Variants in SPATS2 observed in about 807,000 individuals in gnomAD.
SPATS2 encodes spermatogenesis-associated serine-rich protein 2.
In SPATS2, 38 loss-of-function variants were observed where a neutral mutation model predicts 63.7. The ratio of observed to expected loss-of-function variants is 0.60; its 90% CI spans 0.46 to 0.78. The LOEUF (loss-of-function observed/expected upper bound fraction) is 0.78, where lower values mean the gene tolerates loss of function less well. Among genes scored for constraint, SPATS2 ranks in the 30% least tolerant of loss-of-function variants. The pLI is 0.00. For missense variants in SPATS2, 588 were observed against 666.2 expected, an observed-to-expected ratio of 0.88 and a Z score of 1.29; for synonymous variants, 207 against 232.9, an observed-to-expected ratio of 0.89 and a Z score of 1.01.
At chr12:49,490,804 T>C in intron 6 of SPATS2, 73 bp downstream of exon 6, 1 of 1,421,124 alleles carries the variant, frequency 7.0e-7, no homozygotes, top group Non-Finnish European at 9.7e-7. Context: ...GCAAAAATAT[T>C]TGAAAGAAAA....
chr12:49,413,772 C>G (rs1373235251), intron 2 of SPATS2, among the ~76,000 whole-genome samples: 1 of 147,524 alleles, frequency 6.8e-6, no homozygotes, highest in Non-Finnish European at 1.5e-5. Context: ...ACTCTGAAGA[C>G]CTGTGAACTA....
intron 11 of SPATS2, 37 bp downstream of exon 11, chr12:49,519,219 C>A (rs748807779): frequency 1.0e-5 from 16 of 1,531,120 alleles, no homozygotes; most frequent in Non-Finnish European, 1.2e-5. Flanking sequence ...TTCTTCTTAT[C>A]CTCAGGGGCT....
chr12:49,512,097 T>C (rs1292047836), intron 9 of SPATS2, among the ~76,000 whole-genome samples: 2 of 152,228 alleles, frequency 1.3e-5, no homozygotes, highest in East Asian at 1.9e-4. Context: ...TTTTTTGATG[T>C]GCTTTTAATA....
chr12:49,512,755 G>A (rs1946773774), intron 9 of SPATS2: 3 of 614,328 alleles, frequency 4.9e-6, no homozygotes, highest in Non-Finnish European at 7.4e-6. Context: ...GTCATCTGAT[G>A]GACACAGCGT....
At chr12:49,399,300 C>CT (rs1404771690) in intron 2 of SPATS2, among the ~76,000 whole-genome samples, 2 of 152,100 alleles carry the variant, frequency 1.3e-5, no homozygotes, top group Non-Finnish European at 2.9e-5. Flanking sequence ...GCACTTTTAG[C>CT]TTTTTTAGTT....
intron 2 of SPATS2, among the ~76,000 whole-genome samples, chr12:49,448,284 C>A (rs969081180): frequency 3.3e-5 from 5 of 151,396 alleles, no homozygotes; most frequent in Non-Finnish European, 7.4e-5. Context: ...ACTACAGGCA[C>A]CCGCCACCAT....
intron 2 of SPATS2, among the ~76,000 whole-genome samples, chr12:49,421,427 A>C (rs12321598): frequency 6.7e-6 from 1 of 149,894 alleles, no homozygotes; most frequent in African/African-American, 2.5e-5. Flanking sequence ...AAAAAAAAAA[A>C]AAAAAAAAAA....
chr12:49,502,386 C>G (rs1946580338), intron 9 of SPATS2, among the ~76,000 whole-genome samples: 1 of 152,158 alleles, frequency 6.6e-6, no homozygotes, highest in Admixed American at 6.5e-5. Context: ...CTACCCATGC[C>G]TTGTCCTGAA....
chr12:49,407,910 C>T (rs191344082), intron 2 of SPATS2, among the ~76,000 whole-genome samples: 5 of 152,258 alleles, frequency 3.3e-5, no homozygotes, highest in Admixed American at 3.3e-4. Context: ...AGTATTGTGA[C>T]AGACCGTATG....
At chr12:49,392,040 T>C (rs113909498) in intron 2 of SPATS2, among the ~76,000 whole-genome samples, 2 of 152,348 alleles carry the variant, frequency 1.3e-5, no homozygotes, top group African/African-American at 4.8e-5. Context: ...ATACTTTTTA[T>C]CCCTGGTAAG....
At chr12:49,424,796 C>G (rs1350590967) in intron 2 of SPATS2, among the ~76,000 whole-genome samples, 2 of 152,176 alleles carry the variant, frequency 1.3e-5, no homozygotes, top group African/African-American at 4.8e-5. Flanking sequence ...TCTCCTGCCT[C>G]AGCCTCCCAA....
intron 8 of SPATS2, among the ~76,000 whole-genome samples, chr12:49,498,879 C>G (rs539734390): frequency 6.6e-6 from 1 of 151,584 alleles, no homozygotes; most frequent in African/African-American, 2.4e-5. Flanking sequence ...CTGAAACCTC[C>G]GCCTCCCAGT....
intron 7 of SPATS2, 145 bp downstream of exon 7, chr12:49,495,147 CT>C: frequency 1.2e-5 from 10 of 849,678 alleles, no homozygotes; most frequent in Non-Finnish European, 1.6e-5. Flanking sequence ...GTTTTTGTTA[CT>C]TTTTGTCTGA....
chr12:49,484,390 TTTTA>T (rs1946254408), intron 3 of SPATS2, among the ~76,000 whole-genome samples, 196 bp from the exon 4 acceptor site: 1 of 152,218 alleles, frequency 6.6e-6, no homozygotes, highest in Admixed American at 6.5e-5. Flanking sequence ...CTGTGACAGT[TTTTA>T]TTAAAATTAA....
rs1231228816 is a variant in SPATS2 at position 49,460,872 on chromosome 12, C to T, written c.-141C>T. ...GATTAACAGCTAGTGAGCAGAATTT[C>T]GAACAGCAGGATTTCGTATTTTTTG... On this transcript the variant is annotated 5_prime_UTR_variant, in exon 3 of 14. Coordinates refer to ENST00000552918, the MANE Select transcript of SPATS2 (RefSeq NM_023071.4). The T allele has an allele frequency of 7.5e-6, 6 of 797,774 alleles. No individual in the cohort carries two copies. The highest frequency in any genetic ancestry group is 3.5e-5 in the African/African-American group (2 of 56,900). The allele number at this position is 797,774 out of a possible 1,614,324, so 49.4% of individuals were successfully genotyped here.
At chr12:49,459,736 C>A (rs1945785363) in intron 2 of SPATS2, among the ~76,000 whole-genome samples, 1 of 78,412 alleles carries the variant, frequency 1.3e-5, no homozygotes, top group Admixed American at 1.9e-4. Flanking sequence ...TTTCTCATTT[C>A]ACGTCCCCCC....
chr12:49,453,866 T>TTTC (rs1945670291), intron 2 of SPATS2, among the ~76,000 whole-genome samples: 1 of 139,086 alleles, frequency 7.2e-6, no homozygotes, highest in African/African-American at 2.7e-5. Flanking sequence ...CTTTTTTTTT[T>TTTC]TTTTTTTTTT....
intron 10 of SPATS2, among the ~76,000 whole-genome samples, chr12:49,516,204 T>TATATAAATAAATAA (rs1555193494): frequency 5.7e-5 from 4 of 70,704 alleles, no homozygotes; most frequent in African/African-American, 2.1e-4. Context: ...TATATATATA[T>TATATAAATAAATAA]ATATAAATCA....
chr12:49,453,637 C>A (rs1031623833), intron 2 of SPATS2, among the ~76,000 whole-genome samples: 1 of 151,918 alleles, frequency 6.6e-6, no homozygotes, highest in Non-Finnish European at 1.5e-5. Context: ...CATAGTGAGA[C>A]CCTGTCTCTG....
Sources: gnomAD v4.1 joint callset for allele counts (sites outside exome capture counted in the v4.1 genomes callset) on GRCh38, gnomAD v4.1.1 for gene constraint, MANE v1.5 for transcripts, NCBI Gene and HGNC (gene_info 2026-07-23, HGNC 2026-07-21) for gene names.